The following CYFIP1 variants were observed in gnomAD, a reference collection of about 807,000 sequenced individuals.
CYFIP1 encodes cytoplasmic FMR1 interacting protein 1.
A neutral mutation model predicts 163.5 loss-of-function variants in CYFIP1; 58 were observed. That is an observed-to-expected ratio of 0.35 (90% confidence interval 0.29 to 0.44). CYFIP1 has a LOEUF of 0.44. Among genes scored for constraint, CYFIP1 ranks in the 20% least tolerant of loss-of-function variants. The pLI is 1.00. For synonymous variants in CYFIP1, 663 were observed against 660.7 expected (o/e 1.00, Z -0.05); for missense variants, 1,338 against 1,653.8 (o/e 0.81, Z 3.31).
intron 30 of CYFIP1, among the ~76,000 whole-genome samples, chr15:22,872,293 C>CAAAAA (rs11327088): frequency 7.2e-5 from 8 of 111,416 alleles, no homozygotes; most frequent in African/African-American, 2.4e-4. Flanking sequence ...GAAACTGTCT[C>CAAAAA]AAAAAAAAAA....
chr15:22,957,913 G>A (rs760094443), intron 1 of CYFIP1, among the ~76,000 whole-genome samples: 1 of 152,172 alleles, frequency 6.6e-6, no homozygotes, highest in Non-Finnish European at 1.5e-5. Flanking sequence ...GAAAGAATGT[G>A]CTCTTCTGTA....
intron 3 of CYFIP1, 40 bp downstream of exon 3, chr15:22,946,963 C>T: frequency 6.5e-7 from 1 of 1,548,974 alleles, no homozygotes. Flanking sequence ...CAAACACGCC[C>T]TTCTCTGCAG....
At chr15:22,903,274 T>TC (rs1566947348) in intron 22 of CYFIP1, among the ~76,000 whole-genome samples, 1 of 151,936 alleles carries the variant, frequency 6.6e-6, no homozygotes, top group Non-Finnish European at 1.5e-5. Flanking sequence ...GGCAGGGCTG[T>TC]CCCAGGACTC....
intron 13 of CYFIP1, among the ~76,000 whole-genome samples, chr15:22,924,063 T>C (rs536539044): frequency 3.4e-4 from 51 of 151,196 alleles, no homozygotes; most frequent in African/African-American, 1.2e-3. Context: ...ATGTAACATA[T>C]CCATGTAATG....
rs1328568050 is a variant in CYFIP1, at chr15:22,978,733, A to T, written c.-7+1554T>A. ...AGAGCCACACTTTTCAGACCCTTGTATCTTTACTCTTCAGGGACAAACCAG... is the reference window on the plus strand; with the variant it reads ...AGAGCCACACTTTTCAGACCCTTGTTTCTTTACTCTTCAGGGACAAACCAG... On this transcript the variant is annotated intron_variant, in intron 1 of 30. Transcript: ENST00000617928. 2.0e-5 allele frequency among the ~76,000 whole-genome samples: 3 copies of T among 152,058 alleles called. No individual in the cohort carries two copies. The South Asian group carries it at 6.2e-4, about 32-fold the overall frequency.
chr15:22,923,555 C>G (rs1192527994), intron 13 of CYFIP1, among the ~76,000 whole-genome samples: 2 of 152,108 alleles, frequency 1.3e-5, no homozygotes, highest in Non-Finnish European at 2.9e-5. Flanking sequence ...GGTAGTTCCT[C>G]AAAAGCTAAA....
In CYFIP1 at chr15:22,870,252, T is replaced by C. The variant is rs1566905415; in HGVS notation, c.3598-60A>G. ...ACACTTCAACATTTATTCTTCATGT[T>C]TCAAAATGTCAGGATTCTTATATTT... On this transcript the variant is annotated intron_variant, in intron 30 of 30. Transcript: ENST00000617928. 9 of 1,509,068 alleles carry C rather than the reference T, an allele frequency of 6.0e-6. No individual in the cohort carries two copies. The East Asian group carries it at 2.2e-4, about 36-fold the overall frequency. 93.5% of individuals were successfully genotyped at this position (1,509,068 alleles called of 1,614,324 possible). A position where few individuals can be genotyped will look rare whatever the true frequency, so the allele number is the denominator to read the frequency against.
Position 22,867,340 on chromosome 15 carries a change from T to A in CYFIP1, c.*2688A>T, listed in dbSNP as rs1048022997. 2.5e-6 allele frequency: 1 copy of A among 396,178 alleles called. No individual in the cohort carries two copies. Among genetic ancestry groups the A allele is most frequent in the Admixed American group, 4.4e-5 (1 of 22,654 alleles). 24.5% of individuals were successfully genotyped at this position (396,178 alleles called of 1,614,324 possible). ...TGATTGGTTTTATTTTTGAAATATTTATTAAGGGAAAACTAAGTTACTGAA... is the reference window on the plus strand; with the variant it reads ...TGATTGGTTTTATTTTTGAAATATTAATTAAGGGAAAACTAAGTTACTGAA... On this transcript the variant is annotated 3_prime_UTR_variant, in exon 31 of 31. Coordinates refer to ENST00000617928, the MANE Select transcript of CYFIP1 (RefSeq NM_014608.6).
At chr15:22,965,216 T>C (rs749263286) in intron 1 of CYFIP1, among the ~76,000 whole-genome samples, 2 of 152,240 alleles carry the variant, frequency 1.3e-5, no homozygotes, top group Non-Finnish European at 2.9e-5. Flanking sequence ...CCCAACACTT[T>C]GAGAGGCCAA....
At position 22,875,280 on chromosome 15, in the gene CYFIP1, G is replaced by C. The variant is rs918328859; in HGVS notation, c.3043-9C>G. 1 of 1,613,382 alleles carries C rather than the reference G, an allele frequency of 6.2e-7. No homozygotes were observed. The highest frequency in any genetic ancestry group is 1.3e-5 in the African/African-American group (1 of 74,912). On this transcript the variant is annotated splice_polypyrimidine_tract_variant and intron_variant, in intron 26 of 30. Coordinates refer to ENST00000617928, the MANE Select transcript of CYFIP1 (RefSeq NM_014608.6). Reference sequence around the variant, plus strand: ...CACACTTCTTCTAAAGACTAGAGCAGAGAAAGAGAGGGTCAAGCTAGGAAG... The same window carrying C: ...CACACTTCTTCTAAAGACTAGAGCACAGAAAGAGAGGGTCAAGCTAGGAAG...
At chr15:22,958,148 C>G (rs1490819230) in intron 1 of CYFIP1, among the ~76,000 whole-genome samples, 7 of 151,084 alleles carry the variant, frequency 4.6e-5, no homozygotes, top group Non-Finnish European at 8.8e-5. Flanking sequence ...CGGGCTGGCG[C>G]AATCTCGGCT....
chr15:22,961,551 T>C, intron 1 of CYFIP1, among the ~76,000 whole-genome samples: 1 of 152,014 alleles, frequency 6.6e-6, no homozygotes, highest in South Asian at 2.1e-4. Flanking sequence ...GCTAATTTTT[T>C]TGATTTTTTG....
At chr15:22,945,696 C>A (rs906197042) in intron 3 of CYFIP1, among the ~76,000 whole-genome samples, 1 of 151,866 alleles carries the variant, frequency 6.6e-6, no homozygotes, top group Non-Finnish European at 1.5e-5. Context: ...GCCTCAGCCT[C>A]CTGAGTAGCT....
intron 1 of CYFIP1, among the ~76,000 whole-genome samples, chr15:22,977,559 G>A (rs1450148120): frequency 5.3e-5 from 8 of 152,116 alleles, no homozygotes; most frequent in African/African-American, 7.2e-5. Flanking sequence ...GGGTGGGCGC[G>A]GTGGTTCACG....
chr15:22,973,051 G>A (rs573461742), intron 1 of CYFIP1, among the ~76,000 whole-genome samples: 7 of 152,222 alleles, frequency 4.6e-5, no homozygotes, highest in South Asian at 2.1e-4. Context: ...CAGGAGAATC[G>A]TTTGAACCTG....
In CYFIP1 at chr15:22,943,411, T is replaced by C. The variant is rs559026819; in HGVS notation, c.388-57A>G. On this transcript the variant is annotated intron_variant, in intron 5 of 30. Transcript: ENST00000617928. Reference sequence around the variant, plus strand: ...GCAGGTCAGTGAGGAGCCAAGCCCATGTCCCTCCTTCAAGCACCTGCAGTC... The same window carrying C: ...GCAGGTCAGTGAGGAGCCAAGCCCACGTCCCTCCTTCAAGCACCTGCAGTC... 2.9e-5 allele frequency: 46 copies of C among 1,560,812 alleles called. No homozygotes were observed. In the African/African-American group the frequency reaches 3.2e-4, roughly 11 times the overall value.
chr15:22,979,107 C>T (rs1300426227), intron 1 of CYFIP1, among the ~76,000 whole-genome samples: 1 of 152,232 alleles, frequency 6.6e-6, no homozygotes, highest in Non-Finnish European at 1.5e-5. Context: ...CAGGGCGCCT[C>T]GGTCGCAGTG....
intron 16 of CYFIP1, 40 bp from the exon 17 acceptor site, chr15:22,914,922 C>CA (rs56978336): frequency 2.3e-4 from 356 of 1,522,946 alleles, no homozygotes; most frequent in South Asian, 4.6e-4. Context: ...CTCCCGCAAG[C>CA]AAAAAAAAAC....
At chr15:22,928,580 C>G (rs890166806) in intron 11 of CYFIP1, among the ~76,000 whole-genome samples, 1 of 152,250 alleles carries the variant, frequency 6.6e-6, no homozygotes, top group African/African-American at 2.4e-5. Flanking sequence ...GGCTGTTACA[C>G]GCGTGGGCTT....
Sources: gnomAD v4.1 joint callset for allele counts (sites outside exome capture counted in the v4.1 genomes callset) on GRCh38, gnomAD v4.1.1 for gene constraint, MANE v1.5 for transcripts, NCBI Gene and HGNC (gene_info 2026-07-23, HGNC 2026-07-21) for gene names.